NALCN: variants seen among roughly 807,000 people sequenced by gnomAD.
NALCN encodes the protein sodium leak channel NALCN.
NALCN carries 111 observed loss-of-function variants against 225.3 expected under a neutral mutation model. The observed-to-expected ratio is 0.49, with a 90% CI of 0.42 to 0.58. The LOEUF is 0.58. Among genes scored for constraint, NALCN ranks in the 20% least tolerant of loss-of-function variants. The pLI, the probability that NALCN is intolerant of heterozygous loss-of-function variation, is 0.00. For synonymous variants in NALCN, 764 were observed against 769.0 expected (o/e 0.99, Z 0.11); for missense variants, 1,378 against 2,202.4 (o/e 0.63, Z 7.49).
rs533515176 is a variant in NALCN, at chr13:101,407,442, T to G, written c.-39-8277A>C. On this transcript the variant is annotated intron_variant, in intron 1 of 43. Transcript: ENST00000251127. ...ACTCTTGACACTGCTCAGATTTTTA[T>G]GCATTTGATCATTTCTCAGGGTAGA... Among the ~76,000 whole-genome samples, 9 of 152,354 alleles carry G rather than the reference T, an allele frequency of 5.9e-5. No homozygotes were observed. The East Asian group carries it at 1.5e-3, about 26-fold the overall frequency.
At chr13:101,137,848 T>G (rs1399206647) in intron 17 of NALCN, among the ~76,000 whole-genome samples, 1 of 152,226 alleles carries the variant, frequency 6.6e-6, no homozygotes, top group Non-Finnish European at 1.5e-5. Flanking sequence ...ACAGAACATA[T>G]GCTAGCCCAG....
intron 3 of NALCN, 42 bp from the exon 4 acceptor site, chr13:101,378,695 A>C: frequency 6.7e-7 from 1 of 1,499,462 alleles, no homozygotes; most frequent in Non-Finnish European, 9.2e-7. Flanking sequence ...CAAAGCAAAT[A>C]TTTTAAAGAA....
chr13:101,158,039 CAACT>C (rs1175839689), intron 15 of NALCN, among the ~76,000 whole-genome samples: 1 of 152,078 alleles, frequency 6.6e-6, no homozygotes, highest in Non-Finnish European at 1.5e-5. Context: ...GGTGAGCAAC[CAACT>C]GTCTTTTCTT....
chr13:101,152,881 T>C (rs2037720697), intron 15 of NALCN, among the ~76,000 whole-genome samples: 1 of 152,118 alleles, frequency 6.6e-6, no homozygotes, highest in Non-Finnish European at 1.5e-5. Context: ...TCTTTTTTGC[T>C]CCACTTCAGA....
chr13:101,351,895 G>A (rs115110449), intron 6 of NALCN, among the ~76,000 whole-genome samples: 1,677 of 152,146 alleles, frequency 0.011, 32 homozygotes, highest in African/African-American at 0.038. Context: ...TCACAATATC[G>A]TCTTTCTCTA....
intron 30 of NALCN, among the ~76,000 whole-genome samples, chr13:101,088,955 TG>T (rs149530147): frequency 0.065 from 9,904 of 151,664 alleles, 351 homozygotes; most frequent in South Asian, 0.11. Flanking sequence ...CTGGATGCAG[TG>T]GTGTGATCTC....
intron 13 of NALCN, among the ~76,000 whole-genome samples, chr13:101,213,341 A>G (rs1310529900): frequency 6.6e-6 from 1 of 152,176 alleles, no homozygotes; most frequent in Non-Finnish European, 1.5e-5. Flanking sequence ...AACCATAAAA[A>G]CCCTAGAAGA....
rs868736322 is a variant in NALCN, at chr13:101,132,913, C to A, written c.2119-8232G>T. On this transcript the variant is annotated intron_variant, in intron 17 of 43. Transcript: ENST00000251127. The stretch of plus-strand genomic sequence containing the variant: ...CTAATGCAAAATCGAAACTAACCAA[C>A]TTTTTGTTTGTTCTACATATGCATA... 2.0e-5 allele frequency among the ~76,000 whole-genome samples: 3 copies of A among 152,112 alleles called. No individual in the cohort carries two copies. The South Asian group carries it at 6.2e-4, about 31-fold the overall frequency.
chr13:101,255,338 T>C (rs2042196147), intron 11 of NALCN, among the ~76,000 whole-genome samples: 1 of 152,202 alleles, frequency 6.6e-6, no homozygotes, highest in African/African-American at 2.4e-5. Flanking sequence ...ATCAATTCTG[T>C]ACATGAAAAA....
intron 7 of NALCN, among the ~76,000 whole-genome samples, chr13:101,311,169 A>C (rs1279784909): frequency 1.3e-5 from 2 of 150,650 alleles, no homozygotes; most frequent in South Asian, 4.3e-4. Flanking sequence ...TTTGTCTGTT[A>C]TTGGTGTATA....
At chr13:101,139,444 C>T (rs762432657) in intron 17 of NALCN, among the ~76,000 whole-genome samples, 23 of 152,164 alleles carry the variant, frequency 1.5e-4, no homozygotes, top group Admixed American at 5.2e-4. Flanking sequence ...AGAAGTTTCT[C>T]CTGGTACAAG....
At chr13:101,114,993 A>G (rs1041495144) in intron 18 of NALCN, among the ~76,000 whole-genome samples, 7 of 152,172 alleles carry the variant, frequency 4.6e-5, no homozygotes, top group African/African-American at 1.4e-4. Context: ...AAAATTGGTC[A>G]TGATTATTTC....
At chr13:101,080,762 A>T (rs575485344) in intron 34 of NALCN, among the ~76,000 whole-genome samples, 60 of 122,596 alleles carry the variant, frequency 4.9e-4, no homozygotes, top group African/African-American at 1.4e-3. Context: ...TAAATAATTA[A>T]TTATTATTTA....
chr13:101,073,753 C>A (rs961248558), intron 36 of NALCN, 76 bp from the exon 37 acceptor site: 2 of 1,280,872 alleles, frequency 1.6e-6, no homozygotes, highest in Admixed American at 2.0e-5. Flanking sequence ...TTTGCCAACA[C>A]CAAAACAAGT....
intron 7 of NALCN, among the ~76,000 whole-genome samples, chr13:101,315,055 A>G (rs1305920890): frequency 6.6e-6 from 1 of 151,966 alleles, no homozygotes; most frequent in Non-Finnish European, 1.5e-5. Flanking sequence ...AAAACGTAAT[A>G]CAAAAATAAA....
intron 1 of NALCN, among the ~76,000 whole-genome samples, chr13:101,413,542 T>C (rs1447051699): frequency 6.6e-6 from 1 of 151,724 alleles, no homozygotes; most frequent in Non-Finnish European, 1.5e-5. Flanking sequence ...ATTTTAAATA[T>C]TTATAATAAA....
In NALCN at chr13:101,086,883, A is replaced by G. The variant is rs141058254; in HGVS notation, c.3489+2780T>C. On this transcript the variant is annotated intron_variant, in intron 30 of 43. Coordinates refer to ENST00000251127, the MANE Select transcript of NALCN (RefSeq NM_052867.4). ...TTGTTTAAAATTGTTCTTTTCTGAT[A>G]ATCACATTGCTAAACCACTTTTCTC... Among the ~76,000 whole-genome samples the G allele has an allele frequency of 4.0e-3, 603 of 152,246 alleles. 4 individuals are homozygous for G. The highest frequency in any genetic ancestry group is 0.014 in the African/African-American group (570 of 41,566).
intron 17 of NALCN, among the ~76,000 whole-genome samples, chr13:101,139,917 A>T (rs887486924): frequency 6.6e-6 from 1 of 152,052 alleles, no homozygotes; most frequent in Non-Finnish European, 1.5e-5. Flanking sequence ...TTGAAGAGGG[A>T]TTTTCTGCTT....
intron 6 of NALCN, among the ~76,000 whole-genome samples, chr13:101,357,023 G>T (rs1216588587): frequency 6.6e-6 from 1 of 152,148 alleles, no homozygotes; most frequent in East Asian, 1.9e-4. Context: ...ACTAGGTATT[G>T]ATGGAACATA....
Sources: gnomAD v4.1 joint callset for allele counts (sites outside exome capture counted in the v4.1 genomes callset) on GRCh38, gnomAD v4.1.1 for gene constraint, MANE v1.5 for transcripts, NCBI Gene and HGNC (gene_info 2026-07-23, HGNC 2026-07-21) for gene names.